Variants in ZBTB43 observed in about 807,000 individuals in gnomAD.
The protein encoded by ZBTB43 is zinc finger and BTB domain containing 43, also known as zinc finger and BTB domain-containing protein 43.
Under a neutral mutation model 31.1 loss-of-function variants are expected in ZBTB43, and 6 were observed. The observed-to-expected ratio is 0.19, with a 90% confidence interval of 0.11 to 0.38. ZBTB43 has a LOEUF of 0.38. ZBTB43 is among the 10% of genes least tolerant of loss of function. ZBTB43 has a pLI of 1.00. For missense variants in ZBTB43, 379 were observed against 602.1 expected, an observed-to-expected ratio of 0.63 and a Z score of 3.88; for synonymous variants, 212 against 221.7, an observed-to-expected ratio of 0.96 and a Z score of 0.39.
rs201073721 is a variant in ZBTB43, at chr9:126,833,007, C to T, written c.498C>T (p.Pro166=). Reference sequence around the variant, plus strand: ...GCTCTGGGGGTCATACTGATTTTCCCAAAGCCCAAGAACTGAGAGATGGTG... The same window carrying T: ...GCTCTGGGGGTCATACTGATTTTCCTAAAGCCCAAGAACTGAGAGATGGTG... ...ELGSGGHTDF[P]KAQELRDGEN... Residue 166 remains proline (P), a synonymous_variant, in exon 3 of 3, where the codon CCC becomes CCT. Coordinates refer to ENST00000373464, the MANE Select transcript of ZBTB43 (RefSeq NM_014007.4). The surrounding 1 kb of genome is among the most constrained non-coding windows in gnomAD (Gnocchi z 7.9). The T allele has an allele frequency of 2.5e-6, 4 of 1,613,850 alleles. No homozygotes were observed. Among genetic ancestry groups the T allele is most frequent in the Non-Finnish European group, 3.4e-6 (4 of 1,180,018 alleles).
chr9:126,810,194 G>A (rs192157094), intron 2 of ZBTB43, among the ~76,000 whole-genome samples: 207 of 150,662 alleles, frequency 1.4e-3, no homozygotes, highest in Non-Finnish European at 2.2e-3. Context: ...TTGTTTATTT[G>A]TTTGTTTGTT....
chr9:126,827,932 G>A (rs973595412), intron 2 of ZBTB43, among the ~76,000 whole-genome samples: 5 of 151,966 alleles, frequency 3.3e-5, no homozygotes, highest in East Asian at 3.9e-4. Flanking sequence ...AGAATCAATC[G>A]CTTGAACCCA....
At chr9:126,808,390 A>G (rs929899987) in intron 1 of ZBTB43, among the ~76,000 whole-genome samples, 2 of 152,158 alleles carry the variant, frequency 1.3e-5, no homozygotes, top group African/African-American at 4.8e-5. Context: ...GATTTGGCCA[A>G]AGTGTTCTAA....
At chr9:126,817,059 G>A (rs1406950161) in intron 2 of ZBTB43, among the ~76,000 whole-genome samples, 1 of 149,466 alleles carries the variant, frequency 6.7e-6, no homozygotes, top group Non-Finnish European at 1.5e-5. Flanking sequence ...TGGAGTTTCA[G>A]GCCAGTGTTT....
At chr9:126,812,866 T>C (rs888949758) in intron 2 of ZBTB43, among the ~76,000 whole-genome samples, 1 of 152,220 alleles carries the variant, frequency 6.6e-6, no homozygotes, top group African/African-American at 2.4e-5. Flanking sequence ...GTGGGTTGTG[T>C]GTTCACTTTC....
At chr9:126,814,294 A>C (rs1182706955) in intron 2 of ZBTB43, among the ~76,000 whole-genome samples, 2 of 150,908 alleles carry the variant, frequency 1.3e-5, no homozygotes, top group Non-Finnish European at 3.0e-5. Context: ...TACATCTGTA[A>C]AATTTTTACA....
At chr9:126,827,729 CGGGCGAGG>C (rs1422426613) in intron 2 of ZBTB43, among the ~76,000 whole-genome samples, 3 of 152,106 alleles carry the variant, frequency 2.0e-5, no homozygotes, top group Non-Finnish European at 4.4e-5. Flanking sequence ...CAACAGAGGC[CGGGCGAGG>C]TGGCTCACGC....
In ZBTB43 at chr9:126,836,356, T is replaced by G. The variant is rs1320942395; in HGVS notation, c.*2443T>G. 3 of 166,114 alleles carry G rather than the reference T, an allele frequency of 1.8e-5. No homozygotes were observed. The highest frequency in any genetic ancestry group is 2.9e-5 in the Non-Finnish European group (2 of 68,116). 10.3% of individuals were successfully genotyped at this position (166,114 alleles called of 1,614,324 possible). A position where few individuals can be genotyped will look rare whatever the true frequency, so the allele number is the denominator to read the frequency against. ...CCTTATGTGTCCATCAGCTACTAAATGTAGAACTTAAATAAGTTGCTCACA... is the reference window on the plus strand; with the variant it reads ...CCTTATGTGTCCATCAGCTACTAAAGGTAGAACTTAAATAAGTTGCTCACA... On this transcript the variant is annotated 3_prime_UTR_variant, in exon 3 of 3. Transcript: ENST00000373464.
At position 126,833,997 on chromosome 9, in the gene ZBTB43, C is replaced by G. The variant is rs2032827296; in HGVS notation, c.*84C>G. Reference sequence around the variant, plus strand: ...ATCTGGGCACAGATGATGCGTGCTACTTGCTATTATGAGAGAAGCTTAAAA... The same window carrying G: ...ATCTGGGCACAGATGATGCGTGCTAGTTGCTATTATGAGAGAAGCTTAAAA... On this transcript the variant is annotated 3_prime_UTR_variant, in exon 3 of 3. Transcript: ENST00000373464. The surrounding 1 kb of genome is among the most constrained non-coding windows in gnomAD (Gnocchi z 7.9). The G allele has an allele frequency of 6.0e-6, 8 of 1,329,588 alleles. No homozygotes were observed. The highest frequency in any genetic ancestry group is 7.1e-6 in the Non-Finnish European group (7 of 985,600). The allele number at this position is 1,329,588 out of a possible 1,614,324, so 82.4% of individuals were successfully genotyped here. A position where few individuals can be genotyped will look rare whatever the true frequency, so the allele number is the denominator to read the frequency against.
intron 2 of ZBTB43, among the ~76,000 whole-genome samples, chr9:126,809,316 G>A (rs565388707): frequency 6.6e-6 from 1 of 152,332 alleles, no homozygotes; most frequent in Admixed American, 6.5e-5. Context: ...TTTACATAGT[G>A]TGCTTTGTGA....
At chr9:126,828,919 A>C (rs371990814) in intron 2 of ZBTB43, among the ~76,000 whole-genome samples, 8 of 152,250 alleles carry the variant, frequency 5.3e-5, no homozygotes, top group South Asian at 2.1e-4. Flanking sequence ...TATAAGAGAA[A>C]ACCACAAATG....
intron 2 of ZBTB43, among the ~76,000 whole-genome samples, chr9:126,819,278 C>CTT (rs1311640043): frequency 8.9e-6 from 1 of 112,256 alleles, no homozygotes. Flanking sequence ...ACGGATATTG[C>CTT]ATTTTTTTTT....
Position 126,826,454 on chromosome 9 carries a change from C to CTTTTTTT in ZBTB43, c.-23-6012_-23-6006dup, listed in dbSNP as rs35094731. Reference sequence around the variant, plus strand: ...GCGCCACCACTCCTGGCCCCCCCGCCTTTTTTTTTTTTTTTTTTTTTTTTT... The same window carrying CTTTTTTT: ...GCGCCACCACTCCTGGCCCCCCCGCCTTTTTTTTTTTTTTTTTTTTTTTTTTTTTTTT... On this transcript the variant is annotated intron_variant, in intron 2 of 2. Transcript: ENST00000373464. Among the ~76,000 whole-genome samples, 15 of 53,596 alleles carry CTTTTTTT rather than the reference C, an allele frequency of 2.8e-4. 3 individuals carry two copies. In the East Asian group the frequency reaches 3.0e-3, roughly 11 times the overall value. The allele number at this position is 53,596 out of a possible 152,430, so 35.2% of individuals were successfully genotyped here.
chr9:126,828,540 C>G (rs1191295111), intron 2 of ZBTB43, among the ~76,000 whole-genome samples: 1 of 149,754 alleles, frequency 6.7e-6, no homozygotes, highest in Non-Finnish European at 1.5e-5. Flanking sequence ...TACCTGTAGC[C>G]CCAGCACTCT....
chr9:126,835,730 T>A lies in ZBTB43; in HGVS notation c.*1817T>A, dbSNP rs369289905. 36 of 166,076 alleles carry A rather than the reference T, an allele frequency of 2.2e-4. No individual in the cohort carries two copies. The East Asian group carries it at 4.6e-3, about 21-fold the overall frequency. 10.3% of individuals were successfully genotyped at this position (166,076 alleles called of 1,614,324 possible). On this transcript the variant is annotated 3_prime_UTR_variant, in exon 3 of 3. Coordinates refer to ENST00000373464, the MANE Select transcript of ZBTB43 (RefSeq NM_014007.4). Reference sequence around the variant, plus strand: ...CTTTATTATAAATATATATATATATTGTTTTTTTTTAAACCTAGAAACTAG... The same window carrying A: ...CTTTATTATAAATATATATATATATAGTTTTTTTTTAAACCTAGAAACTAG...
At chr9:126,825,070 G>A (rs1229602579) in intron 2 of ZBTB43, among the ~76,000 whole-genome samples, 1 of 151,772 alleles carries the variant, frequency 6.6e-6, no homozygotes, top group African/African-American at 2.4e-5. Context: ...TCAGCCTCTT[G>A]TATAGCTGGG....
intron 2 of ZBTB43, among the ~76,000 whole-genome samples, chr9:126,816,721 G>T (rs990124418): frequency 6.6e-6 from 1 of 152,218 alleles, no homozygotes; most frequent in African/African-American, 2.4e-5. Context: ...GGCTGGAGGG[G>T]TAGGCCTTAG....
At chr9:126,826,454 CTTTTTTTTTTTTT>C (rs35094731) in intron 2 of ZBTB43, among the ~76,000 whole-genome samples, 1 of 53,576 alleles carries the variant, frequency 1.9e-5, no homozygotes, top group Non-Finnish European at 3.7e-5. Context: ...GCCCCCCCGC[CTTTTTTTTTTTTT>C]TTTTTTTTTT....
intron 1 of ZBTB43, among the ~76,000 whole-genome samples, chr9:126,806,345 A>G (rs1284204556): frequency 6.6e-6 from 1 of 152,236 alleles, no homozygotes; most frequent in Non-Finnish European, 1.5e-5. Flanking sequence ...TTGGGAATTT[A>G]TTATTTGCTT....
Sources: gnomAD v4.1 joint callset for allele counts (sites outside exome capture counted in the v4.1 genomes callset) on GRCh38, gnomAD v4.1.1 for gene constraint, Gnocchi (gnomAD v3.1) non-coding constraint, MANE v1.5 for transcripts, NCBI Gene and HGNC (gene_info 2026-07-23, HGNC 2026-07-21) for gene names.